MDN1: variants seen among roughly 807,000 people sequenced by gnomAD.
MDN1 encodes the protein midasin AAA ATPase 1, also known as midasin.
Under a neutral mutation model 669.2 loss-of-function variants are expected in MDN1, and 266 were observed. The observed-to-expected ratio is 0.40, with a 90% CI of 0.36 to 0.44. MDN1 has a LOEUF of 0.44. Among genes scored for constraint, MDN1 ranks in the 20% least tolerant of loss-of-function variants. The pLI is 1.00. For missense variants in MDN1, 5,940 were observed against 6,754.0 expected, an observed-to-expected ratio of 0.88 and a Z score of 4.22; for synonymous variants, 2,385 against 2,457.1, an observed-to-expected ratio of 0.97 and a Z score of 0.87.
chr6:89,701,837 G>A (rs1813181678), intron 54 of MDN1, 67 bp downstream of exon 54: 3 of 1,547,440 alleles, frequency 1.9e-6, no homozygotes, highest in Non-Finnish European at 2.6e-6. Flanking sequence ...AACAGTTTCG[G>A]TTCCAAATCT....
At chr6:89,781,288 T>G in intron 10 of MDN1, 111 bp downstream of exon 10, 2 of 1,009,962 alleles carry the variant, frequency 2.0e-6, no homozygotes, top group Non-Finnish European at 3.0e-6. Flanking sequence ...GAGGCGGAGG[T>G]TGGAGTGAGC....
intron 53 of MDN1, among the ~76,000 whole-genome samples, chr6:89,703,635 CAA>C (rs1401093869): frequency 6.6e-6 from 1 of 151,866 alleles, no homozygotes; most frequent in Non-Finnish European, 1.5e-5. Context: ...ACTAATAGTA[CAA>C]AAAAAGAAGG....
intron 15 of MDN1, among the ~76,000 whole-genome samples, chr6:89,766,813 T>C (rs934173900): frequency 1.3e-5 from 2 of 152,260 alleles, no homozygotes; most frequent in South Asian, 2.1e-4. Context: ...GCTCCTGCCA[T>C]ATGCTCTTCT....
chr6:89,742,283 C>G (rs943394330), intron 31 of MDN1, among the ~76,000 whole-genome samples: 1 of 152,108 alleles, frequency 6.6e-6, no homozygotes, highest in Non-Finnish European at 1.5e-5. Context: ...CCTGATGGCA[C>G]ACATGTGTAG....
rs771207650 is a variant in MDN1 at position 89,761,713 on chromosome 6, G to A, written c.2392C>T (p.Leu798Phe). 18 of 1,611,272 alleles carry A rather than the reference G, an allele frequency of 1.1e-5. No homozygotes were observed. In the East Asian group the frequency reaches 3.4e-4, roughly 30 times the overall value. Residue 798 changes from leucine to phenylalanine, a missense_variant, in exon 17 of 102, where the codon CTT (leucine) becomes TTT (phenylalanine). Around this residue, in one of 5 missense-constraint regions of MDN1, gnomAD observed 1,203 missense variants for 1,268.9 expected, o/e 0.95. Coordinates refer to ENST00000369393, the MANE Select transcript of MDN1 (RefSeq NM_014611.3). ...TGTTGTTGGGCATGGTTGAGTCTAAGACCAAATGCTTCCCATTTCTCTTTT... is the reference window on the plus strand; with the variant it reads ...TGTTGTTGGGCATGGTTGAGTCTAAAACCAAATGCTTCCCATTTCTCTTTT... ...LIKEKWEAFG[L>F]RLNHAQQQMK...
intron 23 of MDN1, 30 bp downstream of exon 23, chr6:89,751,401 T>G (rs1816941125): frequency 6.2e-7 from 1 of 1,613,604 alleles, no homozygotes; most frequent in Admixed American, 1.7e-5. Context: ...CTGTATCAAG[T>G]TCGGGGCAGC....
At chr6:89,679,475 T>TAG (rs1247559621) in intron 74 of MDN1, among the ~76,000 whole-genome samples, 27 of 152,194 alleles carry the variant, frequency 1.8e-4, no homozygotes, top group Non-Finnish European at 3.8e-4. Flanking sequence ...TCCCAACCCC[T>TAG]AGAACTTCAG....
intron 83 of MDN1, among the ~76,000 whole-genome samples, chr6:89,670,166 ATATATTT>A (rs1311608623): frequency 5.3e-3 from 93 of 17,682 alleles, no homozygotes; most frequent in African/African-American, 0.023. Context: ...ATATATATAT[ATATATTT>A]TTTTTTTTTT....
intron 75 of MDN1, 132 bp downstream of exon 75, chr6:89,678,467 G>T: frequency 9.9e-7 from 1 of 1,014,204 alleles, no homozygotes; most frequent in Non-Finnish European, 1.4e-6. Flanking sequence ...TTAGACATCT[G>T]GAAACCTTGC....
Position 89,696,453 on chromosome 6 carries a change from G to C in MDN1, c.9290C>G (p.Thr3097Ser). 1 of 1,614,172 alleles carries C rather than the reference G, an allele frequency of 6.2e-7. No individual in the cohort carries two copies. Among genetic ancestry groups the C allele is most frequent in the Non-Finnish European group, 8.5e-7 (1 of 1,180,022 alleles). ...AGTTCTCTCAACCCACTCTCCTAGG[G>C]TCACGTGAGAGGAGGAAAGAATGGG... ...GLPILSSSHVTLGEWVERTQQ... is the reference protein window; with the variant it reads ...GLPILSSSHVSLGEWVERTQQ... The change falls in exon 60 of 102, where the codon ACC becomes AGC. Residue 3097 changes from threonine to serine, a missense_variant. Thr to Ser is a moderately conservative substitution (Grantham distance 58, BLOSUM62 1). Transcript: ENST00000369393.
rs1353275911 is a variant in MDN1 at position 89,749,573 on chromosome 6, T to C, written c.3585A>G (p.Gln1195=). Residue 1195 remains glutamine (Q), a synonymous_variant, in exon 25 of 102, where the codon CAA becomes CAG. Coordinates refer to ENST00000369393, the MANE Select transcript of MDN1 (RefSeq NM_014611.3). ...TGCCTCCATAAAGTCCTGGGGGATT[T>C]TGGGTGGCAAAAAGCATAAACCGAG... is the stretch of plus-strand genomic sequence containing the variant. ...AHPRFMLFAT[Q]NPPGLYGGRK... is the part of the protein sequence containing the mutation. The C allele has an allele frequency of 6.2e-7, 1 of 1,614,032 alleles. No individual in the cohort carries two copies. The highest frequency in any genetic ancestry group is 8.5e-7 in the Non-Finnish European group (1 of 1,180,022).
rs1384596373 is a variant in MDN1, at chr6:89,710,789, T to A, written c.7657A>T (p.Ile2553Leu). 1 of 1,583,180 alleles carries A rather than the reference T, an allele frequency of 6.3e-7. No individual in the cohort carries two copies. Among genetic ancestry groups the A allele is most frequent in the South Asian group, 1.1e-5 (1 of 88,018 alleles). ...AKNIPQGLES[I>L]QIHLEASAAS... is the part of the protein sequence containing the mutation. ...GCACTGGCTTCCAAATGAATTTGTATGGACTCTGTGGAGGAAGGAGAAACC... is the reference window on the plus strand; with the variant it reads ...GCACTGGCTTCCAAATGAATTTGTAAGGACTCTGTGGAGGAAGGAGAAACC... Residue 2553 changes from isoleucine to leucine, a missense_variant, in exon 50 of 102, where the codon ATA (isoleucine) becomes TTA (leucine). By Grantham distance (5) the Ile-to-Leu change is conservative (BLOSUM62 2). This residue lies in a region of MDN1 where 2,292 missense variants were observed against 2,638.3 expected (regional missense o/e 0.87). Transcript: ENST00000369393.
At chr6:89,804,964 G>A (rs112448538) in intron 1 of MDN1, among the ~76,000 whole-genome samples, 9,930 of 149,908 alleles carry the variant, frequency 0.066, 546 homozygotes, top group East Asian at 0.22. Flanking sequence ...TGAACCCCGG[G>A]AGGCGGAGCC....
Position 89,758,334 on chromosome 6 carries a change from G to C in MDN1, c.2623C>G (p.Pro875Ala), listed in dbSNP as rs1324482447. ...ATACAGGCAAATAAACGGAAGTCAG[G>C]ATGCCGAACCAGTGGCTCTGTTAAG... ...RGDTEPLVRHPDFRLFACMNP... is the reference protein window; with the variant it reads ...RGDTEPLVRHADFRLFACMNP... The change falls in exon 19 of 102, where the codon CCT becomes GCT. Residue 875 changes from proline (P) to alanine (A), a missense_variant. Around this residue, in one of 5 missense-constraint regions of MDN1, gnomAD observed 1,203 missense variants for 1,268.9 expected, o/e 0.95. Coordinates refer to ENST00000369393, the MANE Select transcript of MDN1 (RefSeq NM_014611.3). 3 of 1,609,906 alleles carry C rather than the reference G, an allele frequency of 1.9e-6. No homozygotes were observed. The Admixed American group carries it at 5.0e-5, about 27-fold the overall frequency.
In MDN1 at chr6:89,819,524, G is replaced by A; in HGVS notation, c.84C>T (p.Gly28=). 1 of 1,606,264 alleles carries A rather than the reference G, an allele frequency of 6.2e-7. No individual in the cohort carries two copies. The highest frequency in any genetic ancestry group is 8.5e-7 in the Non-Finnish European group (1 of 1,179,982). ...GTCTTACCTGCTTGGCCAAGAACCT[G>A]CCCAACTCACTGCGGCTCTTCTCGT... ...AKNEKSRSEL[G]RFLAKQVWTP... The change falls in exon 1 of 102, where the codon GGC becomes GGT. Residue 28 remains glycine (G), a synonymous_variant. Transcript: ENST00000369393.
Position 89,645,176 on chromosome 6 carries a change from G to A in MDN1, c.16460-19C>T, listed in dbSNP as rs190593008. On this transcript the variant is annotated intron_variant, in intron 100 of 101. Coordinates refer to ENST00000369393, the MANE Select transcript of MDN1 (RefSeq NM_014611.3). Reference sequence around the variant, plus strand: ...GCAGTTTCTGTAGACCATATAAGACGAAGCAAGGGAATAAAATGAACAGCC... The same window carrying A: ...GCAGTTTCTGTAGACCATATAAGACAAAGCAAGGGAATAAAATGAACAGCC... 287 of 1,567,048 alleles carry A rather than the reference G, an allele frequency of 1.8e-4. No individual in the cohort carries two copies. The highest frequency in any genetic ancestry group is 1.4e-4 in the South Asian group (12 of 87,966).
chr6:89,649,547 T>C (rs189467850), intron 97 of MDN1, among the ~76,000 whole-genome samples: 1 of 152,368 alleles, frequency 6.6e-6, no homozygotes, highest in East Asian at 1.9e-4. Context: ...AAACTTAATA[T>C]TAGCACTGAT....
rs1336961616 is a variant in MDN1 at position 89,701,932 on chromosome 6, G to T, written c.8278C>A (p.Pro2760Thr). 1 of 1,613,114 alleles carries T rather than the reference G, an allele frequency of 6.2e-7. No homozygotes were observed. Among genetic ancestry groups the T allele is most frequent in the East Asian group, 2.2e-5 (1 of 44,876 alleles). Residue 2760 changes from proline to threonine, a missense_variant, in exon 54 of 102, where the codon CCC (proline) becomes ACC (threonine). By Grantham distance (38) the Pro-to-Thr change is conservative (BLOSUM62 -1). This residue lies in a region of MDN1 where 2,292 missense variants were observed against 2,638.3 expected (regional missense o/e 0.87). Transcript: ENST00000369393. ...TCTTCATAATTCATCAGAAGTCGGG[G>T]GATCTGGTGGACCAGATGTTTTAAA... ...WVLKHLVHQI[P>T]RLLMNYEDKY...
chr6:89,739,567 A>G (rs1816177257), intron 32 of MDN1, among the ~76,000 whole-genome samples: 1 of 152,164 alleles, frequency 6.6e-6, no homozygotes. Flanking sequence ...GACCTGTTAC[A>G]TCACTCTCTT....
Sources: allele counts gnomAD v4.1 joint callset (sites outside exome capture counted in the v4.1 genomes callset), GRCh38; gene constraint gnomAD v4.1.1; regional missense constraint gnomAD v4.1.1; transcripts MANE v1.5; gene names NCBI Gene and HGNC (gene_info 2026-07-23, HGNC 2026-07-21).